ATAD2B: variants seen among roughly 807,000 people sequenced by gnomAD.
ATAD2B encodes the protein ATPase family AAA domain-containing protein 2B.
Under a neutral mutation model 167.6 loss-of-function variants are expected in ATAD2B, and 40 were observed. The observed-to-expected ratio is 0.24, with a 90% CI of 0.19 to 0.31. ATAD2B has a LOEUF of 0.31. Ranked by LOEUF, ATAD2B falls within the 10% of genes least tolerant of loss-of-function variation. The pLI, the probability that ATAD2B is intolerant of heterozygous loss-of-function variation, is 1.00. For synonymous variants in ATAD2B, 579 were observed against 596.5 expected, an observed-to-expected ratio of 0.97 and a Z score of 0.43; for missense variants, 1,242 against 1,757.2, an observed-to-expected ratio of 0.71 and a Z score of 5.24.
chr2:23,759,402 TTTAA>T (rs2149313289), intron 24 of ATAD2B, among the ~76,000 whole-genome samples: 1 of 152,294 alleles, frequency 6.6e-6, no homozygotes, highest in Non-Finnish European at 1.5e-5. Flanking sequence ...AATATGGTCT[TTTAA>T]TGACAACCCT....
At chr2:23,754,126 G>T (rs1272263983) in intron 27 of ATAD2B, 53 bp downstream of exon 27, 2 of 1,389,738 alleles carry the variant, frequency 1.4e-6, no homozygotes, top group African/African-American at 1.5e-5. Context: ...TCTTTTCTTT[G>T]GAACAAGTAA....
the ATAD2B span, among the ~76,000 whole-genome samples, chr2:23,742,479 T>G: frequency 7.0e-6 from 1 of 143,352 alleles, no homozygotes; most frequent in South Asian, 2.2e-4. Context: ...CCACATGTTC[T>G]CACTCATAGG....
At chr2:23,807,471 C>G (rs548981421) in intron 18 of ATAD2B, among the ~76,000 whole-genome samples, 1 of 152,254 alleles carries the variant, frequency 6.6e-6, no homozygotes, top group South Asian at 2.1e-4. Flanking sequence ...ACAACATAAG[C>G]TCCTGAGATC....
chr2:23,780,642 A>C (rs1284140161), intron 22 of ATAD2B, among the ~76,000 whole-genome samples: 1 of 152,000 alleles, frequency 6.6e-6, no homozygotes, highest in African/African-American at 2.4e-5. Flanking sequence ...GCTCACACCT[A>C]TAATCCCAGC....
intron 15 of ATAD2B, among the ~76,000 whole-genome samples, chr2:23,827,468 A>G (rs1688428461): frequency 1.3e-5 from 2 of 152,216 alleles, no homozygotes; most frequent in Admixed American, 6.5e-5. Flanking sequence ...TAGAGTACCT[A>G]TCTCTTAGGG....
chr2:23,715,764 T>C, the ATAD2B span, among the ~76,000 whole-genome samples: 2 of 152,164 alleles, frequency 1.3e-5, no homozygotes, highest in African/African-American at 2.4e-5. Flanking sequence ...TAAAGAAACA[T>C]TCCAAAGATT....
At chr2:23,811,657 T>C (rs1255892509) in intron 17 of ATAD2B, among the ~76,000 whole-genome samples, 3 of 152,118 alleles carry the variant, frequency 2.0e-5, no homozygotes, top group African/African-American at 7.2e-5. Context: ...GATGACGGGT[T>C]GATAGGTGCT....
rs765130111 is a variant in ATAD2B at position 23,749,935 on chromosome 2, A to T, written c.*2111T>A. The T allele has an allele frequency of 1.1e-4, 17 of 151,484 alleles. No homozygotes were observed. Among genetic ancestry groups the T allele is most frequent in the South Asian group, 4.2e-4 (2 of 4,792 alleles). The allele number at this position is 151,484 out of a possible 1,614,324, so 9.4% of individuals were successfully genotyped here. A position where few individuals can be genotyped will look rare whatever the true frequency, so the allele number is the denominator to read the frequency against. The stretch of plus-strand genomic sequence containing the variant: ...ATTAGAATAACTGGAATAAATATTT[A>T]AAAAAAAATAGTGCAGCAAGAACCT... On this transcript the variant is annotated 3_prime_UTR_variant, in exon 28 of 28. Transcript: ENST00000238789.
intron 13 of ATAD2B, among the ~76,000 whole-genome samples, chr2:23,851,683 C>T (rs1692595066): frequency 6.6e-6 from 1 of 152,146 alleles, no homozygotes; most frequent in Non-Finnish European, 1.5e-5. Context: ...TTTGGACAAA[C>T]ATATCATGAT....
chr2:23,826,538 AT>A (rs1688286451), intron 15 of ATAD2B, among the ~76,000 whole-genome samples: 1 of 152,352 alleles, frequency 6.6e-6, no homozygotes, highest in Admixed American at 6.5e-5. Flanking sequence ...AATAAAGAGC[AT>A]TCCTGAATAC....
chr2:23,765,951 G>C (rs184019767), intron 22 of ATAD2B, among the ~76,000 whole-genome samples: 49 of 152,188 alleles, frequency 3.2e-4, no homozygotes, highest in Non-Finnish European at 5.1e-4. Flanking sequence ...AATTTAAAAA[G>C]TATTTAGAGG....
intron 10 of ATAD2B, among the ~76,000 whole-genome samples, chr2:23,866,315 G>A (rs1695118849): frequency 6.6e-6 from 1 of 152,196 alleles, no homozygotes; most frequent in Admixed American, 6.5e-5. Flanking sequence ...TGAGGCAGGA[G>A]AATCGCTTGA....
At chr2:23,792,197 G>A (rs1681854136) in intron 19 of ATAD2B, among the ~76,000 whole-genome samples, 1 of 151,722 alleles carries the variant, frequency 6.6e-6, no homozygotes, top group Non-Finnish European at 1.5e-5. Context: ...CAAGCAGCGT[G>A]CCACCACGCC....
At chr2:23,806,118 T>G (rs1427104621) in intron 18 of ATAD2B, 2 of 152,232 alleles carry the variant, frequency 1.3e-5, no homozygotes, top group Non-Finnish European at 2.9e-5. Context: ...TTTTCTAGTT[T>G]TTGTGCATTG....
chr2:23,908,171 A>G (rs914177235), intron 1 of ATAD2B, among the ~76,000 whole-genome samples: 6 of 152,204 alleles, frequency 3.9e-5, no homozygotes, highest in Admixed American at 6.5e-5. Flanking sequence ...GCTTCTGCAC[A>G]GCAAAAGAAA....
chr2:23,926,439 T>G (rs1025086765), intron 1 of ATAD2B, 116 bp downstream of exon 1: 222 of 1,429,494 alleles, frequency 1.6e-4, no homozygotes, highest in Non-Finnish European at 1.9e-4. Flanking sequence ...AGACCCTGTC[T>G]CCAGCCGCCC....
intron 12 of ATAD2B, among the ~76,000 whole-genome samples, chr2:23,858,938 T>A (rs555507689): frequency 6.6e-6 from 1 of 152,322 alleles, no homozygotes; most frequent in East Asian, 1.9e-4. Flanking sequence ...ACTGTATTTA[T>A]CATTTCATAT....
chr2:23,730,856 A>C, the ATAD2B span, among the ~76,000 whole-genome samples: 1 of 151,838 alleles, frequency 6.6e-6, no homozygotes, highest in East Asian at 1.9e-4. Flanking sequence ...AAGTGTAGAA[A>C]TCAGAAAATA....
In ATAD2B at chr2:23,857,519, CAAAT is replaced by C. The variant is rs745987413; in HGVS notation, c.1480-20_1480-17del. 9.6e-6 allele frequency: 11 copies of C among 1,149,406 alleles called. 2 individuals carry two copies. In the South Asian group the frequency reaches 1.7e-4, roughly 17 times the overall value. 71.2% of individuals were successfully genotyped at this position (1,149,406 alleles called of 1,614,324 possible). A position where few individuals can be genotyped will look rare whatever the true frequency, so the allele number is the denominator to read the frequency against. On this transcript the variant is annotated splice_polypyrimidine_tract_variant and intron_variant, in intron 12 of 27. Transcript: ENST00000238789. ...TCAAATATGCCTAGTAAGAAGAAAA[CAAAT>C]AATATTTATTGTATTTGTTTTCATT...
Sources: allele counts gnomAD v4.1 joint callset (sites outside exome capture counted in the v4.1 genomes callset), GRCh38; gene constraint gnomAD v4.1.1; transcripts MANE v1.5; gene names NCBI Gene and HGNC (gene_info 2026-07-23, HGNC 2026-07-21).